PDE1C: variants seen among roughly 807,000 people sequenced by gnomAD.
PDE1C encodes the protein dual specificity calcium/calmodulin-dependent 3',5'-cyclic nucleotide phosphodiesterase 1C.
In PDE1C, 62 loss-of-function variants were observed where a neutral mutation model predicts 93.1. The observed-to-expected ratio is 0.67, with a 90% confidence interval of 0.54 to 0.82. The LOEUF (loss-of-function observed/expected upper bound fraction) is 0.82. Ranked by LOEUF, PDE1C falls within the 40% of genes least tolerant of loss-of-function variation. The pLI is 0.00. For missense variants in PDE1C, 742 were observed against 884.6 expected (o/e 0.84, Z 2.04); for synonymous variants, 325 against 310.1 (o/e 1.05, Z -0.50).
intron 1 of PDE1C, among the ~76,000 whole-genome samples, chr7:32,336,580 T>A (rs1257128638): frequency 6.6e-6 from 1 of 152,180 alleles, no homozygotes; most frequent in Non-Finnish European, 1.5e-5. Flanking sequence ...GAACTTAGGT[T>A]GATGTGTATA....
chr7:32,375,508 T>G (rs1020648332), intron 1 of PDE1C, among the ~76,000 whole-genome samples: 12 of 152,186 alleles, frequency 7.9e-5, no homozygotes, highest in Non-Finnish European at 1.5e-4. Context: ...ATTTACAGGG[T>G]GGTGGTGGTA....
rs1802034965 is a variant in PDE1C, at chr7:32,163,283, A to G, written c.308+6502T>C. On this transcript the variant is annotated intron_variant, in intron 3 of 18. Transcript: ENST00000396193. The stretch of plus-strand genomic sequence containing the variant: ...AGGGGACGCTACCCCACACCATGCC[A>G]TATCATCAGCCAGACTGCACATTTC... Among the ~76,000 whole-genome samples the G allele has an allele frequency of 2.6e-5, 4 of 152,202 alleles. No homozygotes were observed. In the South Asian group the frequency reaches 8.3e-4, roughly 32 times the overall value.
intron 1 of PDE1C, among the ~76,000 whole-genome samples, chr7:32,054,404 T>C (rs780229225): frequency 6.6e-6 from 1 of 152,166 alleles, no homozygotes; most frequent in Non-Finnish European, 1.5e-5. Context: ...AATGAGATAG[T>C]GTATTAAATT....
chr7:31,974,029 A>G (rs1811314328), intron 2 of PDE1C, among the ~76,000 whole-genome samples: 1 of 151,986 alleles, frequency 6.6e-6, no homozygotes, highest in Non-Finnish European at 1.5e-5. Context: ...GATATTAGTA[A>G]CTCTCATTGT....
chr7:31,996,266 G>A (rs113759910), intron 2 of PDE1C, among the ~76,000 whole-genome samples: 5 of 145,506 alleles, frequency 3.4e-5, no homozygotes, highest in African/African-American at 1.3e-4. Context: ...TTCCCACCCC[G>A]CCCATACCCC....
chr7:32,183,894 C>T lies in PDE1C; in HGVS notation c.137-13938G>A, dbSNP rs968046535. On this transcript the variant is annotated intron_variant, in intron 2 of 18. Coordinates refer to the PDE1C transcript ENST00000396193. ...ACAAAATGGGAGAAAATTTTCCCAACCTACTCATCTGACAAAGGGCTAATA... is the reference window on the plus strand; with the variant it reads ...ACAAAATGGGAGAAAATTTTCCCAATCTACTCATCTGACAAAGGGCTAATA... Among the ~76,000 whole-genome samples, 69 of 152,252 alleles carry T rather than the reference C, an allele frequency of 4.5e-4. 1 individual carries two copies. Among genetic ancestry groups the T allele is most frequent in the African/African-American group, 1.5e-3 (63 of 41,538 alleles).
the PDE1C span, among the ~76,000 whole-genome samples, chr7:31,676,908 C>T: frequency 1.3e-5 from 2 of 152,128 alleles, no homozygotes; most frequent in African/African-American, 4.8e-5. Context: ...CATTGAGTGA[C>T]CATTAGTCCC....
the PDE1C span, among the ~76,000 whole-genome samples, chr7:31,636,488 C>A: frequency 6.6e-6 from 1 of 152,142 alleles, no homozygotes; most frequent in Non-Finnish European, 1.5e-5. Context: ...ACAAGTCTTG[C>A]ATCAAAACAT....
At chr7:32,118,662 G>C (rs989389044) in intron 3 of PDE1C, among the ~76,000 whole-genome samples, 4 of 152,112 alleles carry the variant, frequency 2.6e-5, no homozygotes, top group Non-Finnish European at 5.9e-5. Context: ...AGAGGGAATG[G>C]GGACTGAATT....
intron 6 of PDE1C, 71 bp from the exon 7 acceptor site, chr7:31,865,153 C>A (rs531073295): frequency 1.0e-5 from 16 of 1,524,890 alleles, no homozygotes; most frequent in Non-Finnish European, 1.4e-5. Context: ...AAGTCTAAGG[C>A]ACCAGGACTG....
At chr7:31,730,182 G>A in the PDE1C span, among the ~76,000 whole-genome samples, 1 of 152,102 alleles carries the variant, frequency 6.6e-6, no homozygotes, top group Non-Finnish European at 1.5e-5. Context: ...AGCTGCGAAC[G>A]TGTTTACACT....
chr7:32,338,654 A>G (rs215666), intron 1 of PDE1C, among the ~76,000 whole-genome samples: 2 of 152,184 alleles, frequency 1.3e-5, no homozygotes, highest in South Asian at 4.2e-4. Flanking sequence ...ATAATTGAAC[A>G]CAGCGTCTCA....
chr7:31,887,869 A>G (rs958355716), intron 2 of PDE1C, among the ~76,000 whole-genome samples: 1 of 152,254 alleles, frequency 6.6e-6, no homozygotes, highest in Non-Finnish European at 1.5e-5. Flanking sequence ...CCCATAGGTC[A>G]AAGGTTAAAT....
chr7:32,241,298 C>A (rs1289250212), intron 1 of PDE1C, among the ~76,000 whole-genome samples: 1 of 152,190 alleles, frequency 6.6e-6, no homozygotes, highest in Non-Finnish European at 1.5e-5. Context: ...AACCTTGACG[C>A]AGCACAGCCA....
At chr7:32,026,498 G>A (rs902264923) in intron 2 of PDE1C, among the ~76,000 whole-genome samples, 3 of 152,040 alleles carry the variant, frequency 2.0e-5, no homozygotes, top group Non-Finnish European at 2.9e-5. Context: ...CTATTACAAC[G>A]GCCAAAATAC....
At chr7:32,242,588 C>T (rs776182123) in intron 1 of PDE1C, among the ~76,000 whole-genome samples, 3 of 152,076 alleles carry the variant, frequency 2.0e-5, no homozygotes, top group Non-Finnish European at 4.4e-5. Context: ...CAAATGTCTT[C>T]GAGGAACAAT....
the PDE1C span, among the ~76,000 whole-genome samples, chr7:31,650,627 G>T: frequency 6.6e-6 from 1 of 152,156 alleles, no homozygotes; most frequent in African/African-American, 2.4e-5. Flanking sequence ...TGATCCTGCA[G>T]ATTCCAACCT....
chr7:31,816,011 C>G lies in PDE1C; in HGVS notation c.1726G>C (p.Val576Leu), dbSNP rs61736729. The change falls in exon 15 of 18, where the codon GTC becomes CTC. Residue 576 changes from valine (V) to leucine (L), a missense_variant. Val to Leu is a conservative substitution (Grantham distance 32). Coordinates refer to ENST00000396191, the MANE Select transcript of PDE1C (RefSeq NM_001191057.4). ...KKTSGETKNQ[V>L]NGTRANKSDN... ...CTTTTGTTTGCCCGTGTTCCATTGA[C>G]TTGATTCTTAGTTTCTCCAGACGTC... 0.01 allele frequency: 16,321 copies of G among 1,614,004 alleles called. 112 individuals are homozygous for G. The highest frequency in any genetic ancestry group is 0.013 in the Non-Finnish European group (14,784 of 1,179,908).
intron 2 of PDE1C, among the ~76,000 whole-genome samples, chr7:32,180,073 A>C (rs1233240496): frequency 6.6e-6 from 1 of 152,244 alleles, no homozygotes; most frequent in Non-Finnish European, 1.5e-5. Context: ...AGTAAAGCCC[A>C]GATGAAGAAC....
Sources: gnomAD v4.1 joint callset for allele counts (sites outside exome capture counted in the v4.1 genomes callset) on GRCh38, gnomAD v4.1.1 for gene constraint, MANE v1.5 for transcripts, NCBI Gene and HGNC (gene_info 2026-07-23, HGNC 2026-07-21) for gene names.